The following GDI2 variants were observed in gnomAD, a reference collection of about 807,000 sequenced individuals.
The protein encoded by GDI2 is GDP dissociation inhibitor 2.
Under a neutral mutation model 54.2 loss-of-function variants are expected in GDI2, and 22 were observed. That is an observed-to-expected ratio of 0.41 (90% CI 0.29 to 0.58). GDI2 has a LOEUF of 0.58. GDI2 is among the 20% of genes least tolerant of loss of function. The pLI, the probability that GDI2 is intolerant of heterozygous loss-of-function variation, is 0.35. For missense variants in GDI2, 422 were observed against 546.0 expected, an observed-to-expected ratio of 0.77 and a Z score of 2.26; for synonymous variants, 177 against 182.1, an observed-to-expected ratio of 0.97 and a Z score of 0.23.
At position 5,804,516 on chromosome 10, in the gene GDI2, A is replaced by G. The variant is rs80120442; in HGVS notation, c.46-3811T>C. ...ACTCTCATAATTTCTAATAGCAAAG[A>G]TTTGTTCTGCCCGCTTCTGAACTCT... On this transcript the variant is annotated intron_variant, in intron 1 of 10. Coordinates refer to ENST00000380191, the MANE Select transcript of GDI2 (RefSeq NM_001494.4). 5.0e-3 allele frequency among the ~76,000 whole-genome samples: 769 copies of G among 152,284 alleles called. 6 individuals are homozygous for G. The highest frequency in any genetic ancestry group is 8.4e-3 in the Non-Finnish European group (573 of 68,004).
chr10:5,790,868 G>A (rs909414114), intron 4 of GDI2, among the ~76,000 whole-genome samples: 13 of 152,064 alleles, frequency 8.5e-5, no homozygotes, highest in African/African-American at 3.1e-4. Flanking sequence ...AATTATAAAT[G>A]TTCTTGGCTG....
intron 4 of GDI2, 151 bp downstream of exon 4, chr10:5,794,734 G>A: frequency 1.6e-6 from 1 of 614,908 alleles, no homozygotes; most frequent in Non-Finnish European, 2.9e-6. Flanking sequence ...GTTCACTGAT[G>A]TGTTCCCAAC....
chr10:5,783,685 G>C (rs552344809), intron 6 of GDI2, among the ~76,000 whole-genome samples: 1 of 152,268 alleles, frequency 6.6e-6, no homozygotes, highest in South Asian at 2.1e-4. Context: ...GTGTGAAAAA[G>C]ACTACTTTCC....
In GDI2 at chr10:5,813,266, C is replaced by T. The variant is rs1355460372; in HGVS notation, c.-8G>A. 3 of 1,569,788 alleles carry T rather than the reference C, an allele frequency of 1.9e-6. No individual in the cohort carries two copies. The highest frequency in any genetic ancestry group is 3.6e-5 in the Admixed American group (2 of 54,854). On this transcript the variant is annotated 5_prime_UTR_variant, in exon 1 of 11. Coordinates refer to ENST00000380191, the MANE Select transcript of GDI2 (RefSeq NM_001494.4). ...GTCGTACTCCTCATTCATGGCGGGG[C>T]AGGCGCGGACGCAGGACCCGAGCAA...
chr10:5,804,380 C>CACT (rs1311061871), intron 1 of GDI2, among the ~76,000 whole-genome samples: 19 of 152,126 alleles, frequency 1.2e-4, no homozygotes, highest in African/African-American at 4.6e-4. Flanking sequence ...AGGCATGAAC[C>CACT]ACTACGCCCA....
chr10:5,813,116 A>T, intron 1 of GDI2, 98 bp downstream of exon 1: 1 of 707,650 alleles, frequency 1.4e-6, no homozygotes, highest in Non-Finnish European at 2.2e-6. Context: ...TGACGGCAGA[A>T]CGAGACCCCC....
At position 5,768,709 on chromosome 10, in the gene GDI2, C is replaced by G. The variant is rs1283226598; in HGVS notation, c.820-325G>C. 5.0e-6 allele frequency: 1 copy of G among 200,494 alleles called. No individual in the cohort carries two copies. The highest frequency in any genetic ancestry group is 1.0e-5 in the Non-Finnish European group (1 of 99,848). 12.4% of individuals were successfully genotyped at this position (200,494 alleles called of 1,614,324 possible). On this transcript the variant is annotated intron_variant, in intron 7 of 10. Coordinates refer to ENST00000380191, the MANE Select transcript of GDI2 (RefSeq NM_001494.4). The surrounding 1 kb of genome is among the most constrained non-coding windows in gnomAD (Gnocchi z 4.4). Reference sequence around the variant, plus strand: ...AGTACAGTGATTTTTGACAAAGTTGCAAAGACCATTCAATGAGGGGAAAAA... The same window carrying G: ...AGTACAGTGATTTTTGACAAAGTTGGAAAGACCATTCAATGAGGGGAAAAA...
Position 5,766,782 on chromosome 10 carries a change from A to T in GDI2, c.992-144T>A, listed in dbSNP as rs1483202692. The T allele has an allele frequency of 6.4e-6, 4 of 626,102 alleles. No homozygotes were observed. Among genetic ancestry groups the T allele is most frequent in the Non-Finnish European group, 1.1e-5 (4 of 353,008 alleles). The allele number at this position is 626,102 out of a possible 1,614,324, so 38.8% of individuals were successfully genotyped here. A position where few individuals can be genotyped will look rare whatever the true frequency, so the allele number is the denominator to read the frequency against. On this transcript the variant is annotated intron_variant, in intron 8 of 10. Transcript: ENST00000380191. The surrounding 1 kb of genome is among the most constrained non-coding windows in gnomAD (Gnocchi z 5.8). ...TTCTACACTTAAGTTCTAAATGGTG[A>T]CAGAGTTGGATGTAAAGTACACAGA...
intron 1 of GDI2, among the ~76,000 whole-genome samples, chr10:5,808,697 T>TAAAA (rs56672226): frequency 1.2e-5 from 1 of 86,232 alleles, no homozygotes; most frequent in African/African-American, 4.2e-5. Context: ...TTGTTGTTAT[T>TAAAA]AAAAAAAAAA....
chr10:5,794,188 A>AAAAAAAAAAAAAAAAAAATATAT (rs1448053813), intron 4 of GDI2, among the ~76,000 whole-genome samples: 1 of 40,340 alleles, frequency 2.5e-5, no homozygotes, highest in Non-Finnish European at 4.2e-5. Context: ...AAAAAAAAAA[A>AAAAAAAAAAAAAAAAAAATATAT]ATATATATAT....
intron 4 of GDI2, among the ~76,000 whole-genome samples, chr10:5,786,539 G>A (rs1324654769): frequency 1.3e-5 from 2 of 152,078 alleles, no homozygotes; most frequent in Non-Finnish European, 2.9e-5. Flanking sequence ...AAACTGACAC[G>A]ATTATAACAG....
chr10:5,800,040 T>A (rs1363068062), intron 2 of GDI2, among the ~76,000 whole-genome samples: 4 of 152,214 alleles, frequency 2.6e-5, no homozygotes. Context: ...ATTGATGATA[T>A]CTATCTCCCA....
intron 1 of GDI2, among the ~76,000 whole-genome samples, chr10:5,807,702 G>A (rs139649898): frequency 4.0e-4 from 61 of 152,278 alleles, no homozygotes; most frequent in African/African-American, 1.5e-3. Context: ...GTGCTAGTAC[G>A]TGTAGATATG....
intron 4 of GDI2, among the ~76,000 whole-genome samples, chr10:5,792,106 T>A (rs936239908): frequency 1.3e-5 from 2 of 152,196 alleles, no homozygotes; most frequent in Non-Finnish European, 2.9e-5. Context: ...AGGTATGTAA[T>A]CATTGTTAAA....
At chr10:5,807,398 A>G (rs897496142) in intron 1 of GDI2, among the ~76,000 whole-genome samples, 3 of 152,216 alleles carry the variant, frequency 2.0e-5, no homozygotes, top group Non-Finnish European at 4.4e-5. Flanking sequence ...TGGTCCATCT[A>G]TCATGTACAT....
rs1840585909 is a variant in GDI2 at position 5,774,937 on chromosome 10, C to G, written c.720-996G>C. On this transcript the variant is annotated intron_variant, in intron 6 of 10. Coordinates refer to ENST00000380191, the MANE Select transcript of GDI2 (RefSeq NM_001494.4). This position sits in a 1 kb window ranked among gnomAD's most constrained non-coding sequence, Gnocchi z 4.8. Reference sequence around the variant, plus strand: ...GGGCAAGGCCAAGGGAAGGGTTGACCAGTAATAGCTATATTAGTCTAATCC... The same window carrying G: ...GGGCAAGGCCAAGGGAAGGGTTGACGAGTAATAGCTATATTAGTCTAATCC... Among the ~76,000 whole-genome samples the G allele has an allele frequency of 6.6e-6, 1 of 150,820 alleles. No homozygotes were observed. Among genetic ancestry groups the G allele is most frequent in the African/African-American group, 2.4e-5 (1 of 41,278 alleles).
At position 5,766,717 on chromosome 10, in the gene GDI2, C is replaced by A; in HGVS notation, c.992-79G>T. ...ACATACTCAGGTATCACCCATATGT[C>A]ATGAGGTGTGAGTTAAAATTACTCT... On this transcript the variant is annotated intron_variant, in intron 8 of 10. Coordinates refer to ENST00000380191, the MANE Select transcript of GDI2 (RefSeq NM_001494.4). The surrounding 1 kb of genome is among the most constrained non-coding windows in gnomAD (Gnocchi z 5.8). 3 of 1,147,604 alleles carry A rather than the reference C, an allele frequency of 2.6e-6. No individual in the cohort carries two copies. Among genetic ancestry groups the A allele is most frequent in the South Asian group, 2.6e-5 (2 of 75,676 alleles). The allele number at this position is 1,147,604 out of a possible 1,614,324, so 71.1% of individuals were successfully genotyped here.
At chr10:5,812,968 C>T (rs1398047305) in intron 1 of GDI2, among the ~76,000 whole-genome samples, 1 of 152,242 alleles carries the variant, frequency 6.6e-6, no homozygotes, top group Non-Finnish European at 1.5e-5. Context: ...GCCGTCACCC[C>T]GCCCCGAGCC....
chr10:5,812,844 G>A (rs771268427), intron 1 of GDI2, among the ~76,000 whole-genome samples: 7 of 152,196 alleles, frequency 4.6e-5, no homozygotes, highest in Non-Finnish European at 1.0e-4. Context: ...CTCGGGTGCT[G>A]GTTTCCAACC....
Sources: gnomAD v4.1 joint callset for allele counts (sites outside exome capture counted in the v4.1 genomes callset) on GRCh38, gnomAD v4.1.1 for gene constraint, Gnocchi (gnomAD v3.1) non-coding constraint, MANE v1.5 for transcripts, NCBI Gene and HGNC (gene_info 2026-07-23, HGNC 2026-07-21) for gene names.